The following IPO8 variants were observed in gnomAD, a reference collection of about 807,000 sequenced individuals.
IPO8 encodes the protein importin-8.
In IPO8, 65 loss-of-function variants were observed where a neutral mutation model predicts 141.2. That is an observed-to-expected ratio of 0.46 (90% CI 0.38 to 0.57). The LOEUF is 0.57. Among genes scored for constraint, IPO8 ranks in the 20% least tolerant of loss-of-function variants. The pLI, the probability that IPO8 is intolerant of heterozygous loss-of-function variation, is 0.00. For synonymous variants in IPO8, 411 were observed against 420.3 expected (o/e 0.98, Z 0.27); for missense variants, 980 against 1,246.8 (o/e 0.79, Z 3.22).
At chr12:30,641,874 G>C (rs1404673064) in intron 20 of IPO8, among the ~76,000 whole-genome samples, 4 of 152,078 alleles carry the variant, frequency 2.6e-5, no homozygotes, top group Non-Finnish European at 5.9e-5. Flanking sequence ...TAAGGATAAA[G>C]AATGTAGTCA....
intron 13 of IPO8, among the ~76,000 whole-genome samples, 171 bp downstream of exon 13, chr12:30,665,047 CTT>C (rs1047938309): frequency 1.3e-5 from 2 of 152,158 alleles, no homozygotes; most frequent in Non-Finnish European, 2.9e-5. Context: ...GCCTATAAAT[CTT>C]TTTCTTTAAT....
chr12:30,675,100 C>CTAGTAA (rs1182030524), intron 6 of IPO8, among the ~76,000 whole-genome samples: 4 of 152,178 alleles, frequency 2.6e-5, no homozygotes, highest in Admixed American at 2.0e-4. Context: ...ATTCACTGAA[C>CTAGTAA]TAGTCATTAA....
chr12:30,675,610 GAGGTCAGGAGATCGAGACCATCCTGGCC>G (rs778424075), intron 6 of IPO8, among the ~76,000 whole-genome samples: 6 of 151,356 alleles, frequency 4.0e-5, no homozygotes, highest in Non-Finnish European at 8.8e-5. Context: ...GGTGGATCAC[GAGGTCAGGAGATCGAGACCATCCTGGCC>G]AACACCGTGA....
chr12:30,690,682 T>C, intron 1 of IPO8, 105 bp from the exon 2 acceptor site: 1 of 582,790 alleles, frequency 1.7e-6, no homozygotes, highest in South Asian at 3.3e-5. Context: ...AAAGAAAAAC[T>C]TTTAAACTGA....
Position 30,665,753 on chromosome 12 carries a change from A to C in IPO8, c.1314T>G (p.Gly438=), listed in dbSNP as rs1271113096. The change falls in exon 12 of 25, where the codon GGT becomes GGG. Residue 438 remains glycine, a synonymous_variant. Coordinates refer to ENST00000256079, the MANE Select transcript of IPO8 (RefSeq NM_006390.4). The part of the protein sequence containing the change: ...RKKDGALHVI[G]SLAEILLKKS... Reference sequence around the variant, plus strand: ...CCTTCAGTAAAATCTCAGCTAGGGAACCAATCACATGCAGGGCTCCATCTT... The same window carrying C: ...CCTTCAGTAAAATCTCAGCTAGGGACCCAATCACATGCAGGGCTCCATCTT... 8 of 1,610,592 alleles carry C rather than the reference A, an allele frequency of 5.0e-6. No individual in the cohort carries two copies. The African/African-American group carries it at 9.4e-5, about 19-fold the overall frequency.
chr12:30,636,002 CAGTT>C (rs780321209), intron 22 of IPO8, among the ~76,000 whole-genome samples: 1 of 151,984 alleles, frequency 6.6e-6, no homozygotes, highest in East Asian at 1.9e-4. Flanking sequence ...TGTTGACACA[CAGTT>C]AGCTAAAAAC....
At position 30,659,520 on chromosome 12, in the gene IPO8, A is replaced by C. The variant is rs1225025991; in HGVS notation, c.1881+1621T>G. On this transcript the variant is annotated intron_variant, in intron 16 of 24. Transcript: ENST00000256079. ...ACAAATAAACAAAAAAAAAAAAACC[A>C]AGTCATCTTCCATTGGCACGTCATA... Among the ~76,000 whole-genome samples, 4 of 145,622 alleles carry C rather than the reference A, an allele frequency of 2.7e-5. No homozygotes were observed. In the East Asian group the frequency reaches 8.1e-4, roughly 30 times the overall value.
chr12:30,631,567 G>A lies in IPO8; in HGVS notation c.3016+328C>T, dbSNP rs907847180. 11 of 185,858 alleles carry A rather than the reference G, an allele frequency of 5.9e-5. No individual in the cohort carries two copies. In the Admixed American group the frequency reaches 6.2e-4, roughly 11 times the overall value. The allele number at this position is 185,858 out of a possible 1,614,324, so 11.5% of individuals were successfully genotyped here. A position where few individuals can be genotyped will look rare whatever the true frequency, so the allele number is the denominator to read the frequency against. ...CGTCAAGTCCCTTTGGCCCACGGTT[G>A]AAATGTTTAGGGGAGTGATCCAACT... On this transcript the variant is annotated intron_variant, in intron 24 of 24. Transcript: ENST00000256079.
chr12:30,681,903 G>C (rs917234502), intron 3 of IPO8, 86 bp from the exon 4 acceptor site: 1 of 1,142,662 alleles, frequency 8.8e-7, no homozygotes, highest in Non-Finnish European at 1.2e-6. Flanking sequence ...ATAAAAGTTT[G>C]TTATCTTCTA....
intron 2 of IPO8, among the ~76,000 whole-genome samples, chr12:30,689,603 G>C (rs2053272232): frequency 6.6e-6 from 1 of 151,984 alleles, no homozygotes; most frequent in Admixed American, 6.6e-5. Context: ...TTTATTCTAT[G>C]TTCAAATCAA....
intron 22 of IPO8, 104 bp downstream of exon 22, chr12:30,636,878 A>G (rs1447274216): frequency 1.0e-6 from 1 of 956,020 alleles, no homozygotes; most frequent in East Asian, 2.6e-5. Context: ...AGCAGGCCGA[A>G]GAATGTAAAT....
intron 13 of IPO8, 77 bp from the exon 14 acceptor site, chr12:30,663,731 T>G: frequency 8.9e-7 from 1 of 1,117,676 alleles, no homozygotes; most frequent in Non-Finnish European, 1.2e-6. Flanking sequence ...TATAAGAACT[T>G]CTTAGTAAAA....
At chr12:30,690,183 T>C (rs1178091606) in intron 2 of IPO8, among the ~76,000 whole-genome samples, 5 of 152,168 alleles carry the variant, frequency 3.3e-5, no homozygotes, top group African/African-American at 1.2e-4. Context: ...GAGGCTAGGC[T>C]ACCAGAAATC....
chr12:30,662,356 A>T lies in IPO8; in HGVS notation c.1726T>A (p.Ser576Thr). The change falls in exon 15 of 25, where the codon TCA becomes ACA. Residue 576 changes from serine to threonine, a missense_variant. Physicochemically the swap from Ser to Thr is moderately conservative, Grantham distance 58 (BLOSUM62 1). Coordinates refer to ENST00000256079, the MANE Select transcript of IPO8 (RefSeq NM_006390.4). The part of the protein sequence containing the change: ...MICEYSQEVA[S>T]IAVDMTQHLA... The stretch of plus-strand genomic sequence containing the variant: ...TGTTGGGTCATATCAACAGCAATTG[A>T]GGCTACCTCTTGACTGTATTCACAT... 1.9e-6 allele frequency: 3 copies of T among 1,613,836 alleles called. No homozygotes were observed. Among genetic ancestry groups the T allele is most frequent in the Non-Finnish European group, 2.5e-6 (3 of 1,179,892 alleles).
At chr12:30,691,519 G>A (rs577638462) in intron 1 of IPO8, among the ~76,000 whole-genome samples, 14 of 152,302 alleles carry the variant, frequency 9.2e-5, no homozygotes, top group African/African-American at 2.6e-4. Flanking sequence ...TTCTGATCAC[G>A]TTATATCCAG....
intron 4 of IPO8, among the ~76,000 whole-genome samples, chr12:30,681,183 C>T (rs910679099): frequency 6.6e-6 from 1 of 152,130 alleles, no homozygotes; most frequent in African/African-American, 2.4e-5. Flanking sequence ...ACACATGTAG[C>T]AATCTTCCTA....
chr12:30,676,983 T>C (rs1163972935), intron 5 of IPO8: 17 of 1,529,938 alleles, frequency 1.1e-5, no homozygotes, highest in South Asian at 2.4e-5. Context: ...TTTAAATTAC[T>C]TTCCTCTACA....
intron 22 of IPO8, 51 bp from the exon 23 acceptor site, chr12:30,634,337 T>C: frequency 6.8e-7 from 1 of 1,475,298 alleles, no homozygotes; most frequent in Admixed American, 1.7e-5. Context: ...AAGGACAAAA[T>C]ATAAAACTTC....
intron 7 of IPO8, 73 bp from the exon 8 acceptor site, chr12:30,674,147 T>A: frequency 1.1e-6 from 1 of 947,652 alleles, no homozygotes; most frequent in Non-Finnish European, 1.6e-6. Context: ...AATTTAAATA[T>A]AGTCGCTTAT....
Sources: allele counts gnomAD v4.1 joint callset (sites outside exome capture counted in the v4.1 genomes callset), GRCh38; gene constraint gnomAD v4.1.1; transcripts MANE v1.5; gene names NCBI Gene and HGNC (gene_info 2026-07-23, HGNC 2026-07-21).